The following PTPRK variants were observed in gnomAD, a reference collection of about 807,000 sequenced individuals.
PTPRK encodes receptor-type tyrosine-protein phosphatase kappa.
A neutral mutation model predicts 178.0 loss-of-function variants in PTPRK; 75 were observed. That is an observed-to-expected ratio of 0.42 (90% CI 0.35 to 0.51). PTPRK has a LOEUF of 0.51. PTPRK is among the 20% of genes least tolerant of loss of function. The pLI, the probability that PTPRK is intolerant of heterozygous loss-of-function variation, is 0.02. For missense variants in PTPRK, 1,441 were observed against 1,797.8 expected (o/e 0.80, Z 3.59); for synonymous variants, 637 against 620.6 (o/e 1.03, Z -0.39).
chr6:128,252,998 A>G (rs1204697906), intron 3 of PTPRK, among the ~76,000 whole-genome samples: 1 of 152,162 alleles, frequency 6.6e-6, no homozygotes, highest in African/African-American at 2.4e-5. Flanking sequence ...TTCAGGGCCT[A>G]AGTGTGGTGA....
intron 7 of PTPRK, among the ~76,000 whole-genome samples, chr6:128,098,479 G>A (rs1445267962): frequency 1.3e-5 from 2 of 151,992 alleles, no homozygotes; most frequent in East Asian, 3.9e-4. Context: ...CAAGTTACCC[G>A]AGTCGTACCA....
intron 2 of PTPRK, among the ~76,000 whole-genome samples, chr6:128,382,296 A>G (rs1322679997): frequency 6.6e-6 from 1 of 152,026 alleles, no homozygotes; most frequent in Non-Finnish European, 1.5e-5. Flanking sequence ...GAGCACAAAG[A>G]ACTATGACTT....
At chr6:128,068,508 T>C (rs1047597528) in intron 11 of PTPRK, among the ~76,000 whole-genome samples, 2 of 152,184 alleles carry the variant, frequency 1.3e-5, no homozygotes, top group African/African-American at 2.4e-5. Flanking sequence ...CCTTCTGATA[T>C]CTTTAAGTCT....
intron 11 of PTPRK, among the ~76,000 whole-genome samples, chr6:128,078,117 T>C (rs1413496175): frequency 1.3e-5 from 2 of 151,828 alleles, no homozygotes; most frequent in Non-Finnish European, 2.9e-5. Flanking sequence ...TCTTATAACA[T>C]AGATACCAAG....
At chr6:128,304,659 G>T (rs150965830) in intron 3 of PTPRK, among the ~76,000 whole-genome samples, 1 of 152,188 alleles carries the variant, frequency 6.6e-6, no homozygotes, top group Admixed American at 6.5e-5. Flanking sequence ...GTTTAATAAC[G>T]ATGATTACCT....
chr6:128,168,041 A>G (rs1310799183), intron 7 of PTPRK, among the ~76,000 whole-genome samples: 2 of 152,096 alleles, frequency 1.3e-5, no homozygotes, highest in Non-Finnish European at 2.9e-5. Context: ...TCCTAAAAGC[A>G]GAGCAAAATA....
intron 12 of PTPRK, 44 bp downstream of exon 12, chr6:128,067,475 T>C: frequency 6.8e-7 from 1 of 1,462,528 alleles, no homozygotes; most frequent in Non-Finnish European, 9.1e-7. Flanking sequence ...TGACTTCAGC[T>C]TTTCTTCAAA....
At chr6:128,073,776 C>T (rs1207104240) in intron 11 of PTPRK, among the ~76,000 whole-genome samples, 1 of 151,952 alleles carries the variant, frequency 6.6e-6, no homozygotes, top group African/African-American at 2.4e-5. Flanking sequence ...AGAGAATAAA[C>T]ATAAAATTAA....
chr6:128,084,328 A>G (rs931690769), intron 8 of PTPRK, among the ~76,000 whole-genome samples: 1 of 152,198 alleles, frequency 6.6e-6, no homozygotes, highest in Non-Finnish European at 1.5e-5. Flanking sequence ...TGAAATGTCC[A>G]TTAATAGCCA....
intron 6 of PTPRK, among the ~76,000 whole-genome samples, chr6:128,205,007 C>G (rs910646028): frequency 6.6e-6 from 1 of 152,098 alleles, no homozygotes; most frequent in African/African-American, 2.4e-5. Flanking sequence ...GACATGCAAT[C>G]AACCTAGATG....
intron 2 of PTPRK, among the ~76,000 whole-genome samples, chr6:128,355,359 T>C (rs1434043183): frequency 6.6e-6 from 1 of 152,244 alleles, no homozygotes; most frequent in Non-Finnish European, 1.5e-5. Context: ...AGAATAAAAA[T>C]ACTTAAGATT....
intron 1 of PTPRK, among the ~76,000 whole-genome samples, chr6:128,461,546 TA>T (rs1389947686): frequency 2.6e-5 from 4 of 152,200 alleles, no homozygotes; most frequent in Non-Finnish European, 5.9e-5. Flanking sequence ...AACACACACT[TA>T]AATTCTAGCA....
intron 1 of PTPRK, among the ~76,000 whole-genome samples, chr6:128,443,079 A>G (rs996676596): frequency 1.3e-5 from 2 of 150,322 alleles, no homozygotes; most frequent in African/African-American, 4.8e-5. Context: ...AACATAGTAC[A>G]CTTCACAAAA....
intron 13 of PTPRK, among the ~76,000 whole-genome samples, chr6:128,024,765 G>A (rs1423713157): frequency 2.0e-5 from 3 of 152,202 alleles, no homozygotes; most frequent in Non-Finnish European, 4.4e-5. Flanking sequence ...AGCCGAGATC[G>A]TGGCACTGCA....
intron 7 of PTPRK, among the ~76,000 whole-genome samples, chr6:128,119,924 A>C (rs1792177676): frequency 6.6e-6 from 1 of 152,016 alleles, no homozygotes; most frequent in Admixed American, 6.6e-5. Context: ...TTCCTACAAC[A>C]ACCACACAAA....
intron 7 of PTPRK, among the ~76,000 whole-genome samples, chr6:128,125,222 T>C (rs557491739): frequency 1.3e-5 from 2 of 152,326 alleles, no homozygotes; most frequent in East Asian, 1.9e-4. Flanking sequence ...TGTTAAATGG[T>C]AATCCCCAAT....
intron 3 of PTPRK, among the ~76,000 whole-genome samples, chr6:128,273,136 T>C (rs1394852469): frequency 2.6e-5 from 4 of 151,740 alleles, no homozygotes; most frequent in Non-Finnish European, 5.9e-5. Flanking sequence ...TTCTCACTCA[T>C]AGGTAGGAAT....
intron 13 of PTPRK, among the ~76,000 whole-genome samples, chr6:128,043,823 T>C (rs1052319210): frequency 1.3e-4 from 20 of 151,904 alleles, no homozygotes; most frequent in Non-Finnish European, 7.4e-5. Context: ...TTACATCTGT[T>C]CAGGAATAAA....
At chr6:128,030,180 C>A (rs936491836) in intron 13 of PTPRK, among the ~76,000 whole-genome samples, 2 of 152,198 alleles carry the variant, frequency 1.3e-5, no homozygotes, top group Admixed American at 1.3e-4. Flanking sequence ...AAATGTTTTT[C>A]AGCTACAAGT....
Sources: gnomAD v4.1 joint callset for allele counts (sites outside exome capture counted in the v4.1 genomes callset) on GRCh38, gnomAD v4.1.1 for gene constraint, MANE v1.5 for transcripts, NCBI Gene and HGNC (gene_info 2026-07-23, HGNC 2026-07-21) for gene names.